The following FKBP14 variants were observed in gnomAD, a reference collection of about 807,000 sequenced individuals.
FKBP14 encodes FKBP prolyl isomerase 14.
Under a neutral mutation model 21.6 loss-of-function variants are expected in FKBP14, and 20 were observed. That is an observed-to-expected ratio of 0.92 (90% CI 0.65 to 1.34). The LOEUF is 1.34. Among genes scored for constraint, FKBP14 ranks in the 40% most tolerant of loss-of-function variants. FKBP14 has a pLI of 0.00. For synonymous variants in FKBP14, 79 were observed against 86.7 expected (o/e 0.91, Z 0.49); for missense variants, 253 against 249.0 (o/e 1.02, Z -0.11).
At chr7:30,015,445 T>A (rs570349243) in intron 3 of FKBP14, among the ~76,000 whole-genome samples, 2,350 of 109,302 alleles carry the variant, frequency 0.022, 65 homozygotes, top group African/African-American at 0.071. Flanking sequence ...AAATTAAAAA[T>A]ATATATATAT....
In FKBP14 at chr7:30,026,552, G is replaced by T. The variant is rs1267303470; in HGVS notation, c.-44C>A. 3 of 1,551,176 alleles carry T rather than the reference G, an allele frequency of 1.9e-6. No individual in the cohort carries two copies. In the South Asian group the frequency reaches 3.6e-5, roughly 18 times the overall value. ...GAAGTCCCTACAAAAGCAGCGAAAG[G>T]TCCCTCGACTTCATAGATTTAAGAA... is the stretch of plus-strand genomic sequence containing the variant. On this transcript the variant is annotated 5_prime_UTR_variant, in exon 1 of 4. Coordinates refer to ENST00000222803, the MANE Select transcript of FKBP14 (RefSeq NM_017946.4).
rs1183466060 is a variant in FKBP14, at chr7:30,013,154, TA to T, written c.*1580del. The T allele has an allele frequency of 6.6e-6, 1 of 152,054 alleles. No homozygotes were observed. Among genetic ancestry groups the T allele is most frequent in the Non-Finnish European group, 1.5e-5 (1 of 68,018 alleles). The allele number at this position is 152,054 out of a possible 1,614,324, so 9.4% of individuals were successfully genotyped here. ...ATTTGATAACTTTAAAAAAAAGAAT[TA>T]AAGATAAAAGCCAATTTAAAATAAA... On this transcript the variant is annotated 3_prime_UTR_variant, in exon 4 of 4. Transcript: ENST00000222803.
At position 30,022,591 on chromosome 7, in the gene FKBP14, G is replaced by A. The variant is rs371994388; in HGVS notation, c.349+74C>T. 2.3e-5 allele frequency: 33 copies of A among 1,451,460 alleles called. No homozygotes were observed. The African/African-American group carries it at 4.6e-4, about 20-fold the overall frequency. 89.9% of individuals were successfully genotyped at this position (1,451,460 alleles called of 1,614,324 possible). A position where few individuals can be genotyped will look rare whatever the true frequency, so the allele number is the denominator to read the frequency against. The stretch of plus-strand genomic sequence containing the variant: ...CCAGGGGAAAAAAAAAAGTTATAGT[G>A]ACTCTAACTTCTGTCTCCTAATCCA... On this transcript the variant is annotated intron_variant, in intron 2 of 3. Coordinates refer to ENST00000222803, the MANE Select transcript of FKBP14 (RefSeq NM_017946.4).
rs1223865311 is a variant in FKBP14 at position 30,019,132 on chromosome 7, A to G, written c.350-9T>C. ...TTCTGGGGGAATTTTACCTGACGTG[A>G]GGAAAGAAGGCAGAAAGTTTTAAAA... On this transcript the variant is annotated splice_polypyrimidine_tract_variant and intron_variant, in intron 2 of 3. Coordinates refer to ENST00000222803, the MANE Select transcript of FKBP14 (RefSeq NM_017946.4). 1.9e-6 allele frequency: 3 copies of G among 1,562,178 alleles called. No individual in the cohort carries two copies. The highest frequency in any genetic ancestry group is 2.6e-6 in the Non-Finnish European group (3 of 1,164,228).
At position 30,019,006 on chromosome 7, in the gene FKBP14, G is replaced by C. The variant is rs751708321; in HGVS notation, c.467C>G (p.Ser156Cys). 2 of 1,609,284 alleles carry C rather than the reference G, an allele frequency of 1.2e-6. No homozygotes were observed. The highest frequency in any genetic ancestry group is 1.3e-5 in the African/African-American group (1 of 74,786). ...EMDLNDDWKL[S>C]KDEVKAYLKK... ...AGAAGGAAAGGTCACCTCATCTTTAGAGAGTTTCCAGTCATCATTAAGATC... is the reference window on the plus strand; with the variant it reads ...AGAAGGAAAGGTCACCTCATCTTTACAGAGTTTCCAGTCATCATTAAGATC... The change falls in exon 3 of 4, where the codon TCT (serine) becomes TGT (cysteine). Residue 156 changes from serine to cysteine, a missense_variant. Transcript: ENST00000222803.
chr7:30,008,663 G>C (rs1789656005), downstream of FKBP14, among the ~76,000 whole-genome samples: 1 of 137,018 alleles, frequency 7.3e-6, no homozygotes, highest in Non-Finnish European at 1.5e-5. Flanking sequence ...GGAGGTTGCA[G>C]TGAGCTGAGA....
At chr7:30,023,540 G>A (rs1790090725) in intron 1 of FKBP14, among the ~76,000 whole-genome samples, 1 of 152,180 alleles carries the variant, frequency 6.6e-6, no homozygotes, top group Non-Finnish European at 1.5e-5. Context: ...GTCTACAGTG[G>A]GGCTATATAG....
rs548521991 is a variant in FKBP14, at chr7:30,011,556, TATATATACC to T, written c.*3170_*3178del. On this transcript the variant is annotated 3_prime_UTR_variant, in exon 4 of 4. Transcript: ENST00000222803. ...ACACCATATATATATATACTATATA[TATATATACC>T]ATATATATGGTATATATATATATAT... 61 of 143,984 alleles carry T rather than the reference TATATATACC, an allele frequency of 4.2e-4. 1 individual carries two copies. The highest frequency in any genetic ancestry group is 1.5e-3 in the African/African-American group (58 of 39,062). The allele number at this position is 143,984 out of a possible 1,614,324, so 8.9% of individuals were successfully genotyped here.
downstream of FKBP14, among the ~76,000 whole-genome samples, chr7:30,010,169 C>T (rs775912523): frequency 7.9e-5 from 12 of 152,112 alleles, no homozygotes; most frequent in Non-Finnish European, 1.5e-4. Flanking sequence ...CCCCGCATTT[C>T]GTTTAATCAG....
Position 30,026,585 on chromosome 7 carries a change from C to A in FKBP14, c.-77G>T. 1.4e-6 allele frequency: 2 copies of A among 1,396,474 alleles called. No homozygotes were observed. The highest frequency in any genetic ancestry group is 1.4e-5 in the South Asian group (1 of 72,130). The allele number at this position is 1,396,474 out of a possible 1,614,324, so 86.5% of individuals were successfully genotyped here. ...ACTTCATAGATTTAAGAACGTAGTT[C>A]AAGGCTTACGGACAAGGGCTTCAGA... On this transcript the variant is annotated 5_prime_UTR_variant, in exon 1 of 4. Coordinates refer to ENST00000222803, the MANE Select transcript of FKBP14 (RefSeq NM_017946.4).
At position 30,021,317 on chromosome 7, in the gene FKBP14, T is replaced by C. The variant is rs1030136057; in HGVS notation, c.349+1348A>G. On this transcript the variant is annotated intron_variant, in intron 2 of 3. Transcript: ENST00000222803. Reference sequence around the variant, plus strand: ...GTTTATTTTCTACTTTTATATATAATACTGTATCTCATGCATTTCAGATAT... The same window carrying C: ...GTTTATTTTCTACTTTTATATATAACACTGTATCTCATGCATTTCAGATAT... 4.3e-4 allele frequency among the ~76,000 whole-genome samples: 66 copies of C among 152,190 alleles called. 1 individual carries two copies. The highest frequency in any genetic ancestry group is 1.6e-4 in the Non-Finnish European group (11 of 68,030).
intron 3 of FKBP14, among the ~76,000 whole-genome samples, chr7:30,016,936 GATCCATTA>G (rs1789900233): frequency 6.6e-6 from 1 of 152,030 alleles, no homozygotes; most frequent in Non-Finnish European, 1.5e-5. Flanking sequence ...GTGGGGGAGA[GATCCATTA>G]ATCCATTAAA....
At position 30,012,743 on chromosome 7, in the gene FKBP14, C is replaced by G. The variant is rs1357911572; in HGVS notation, c.*1992G>C. 6.6e-6 allele frequency: 1 copy of G among 152,180 alleles called. No individual in the cohort carries two copies. Among genetic ancestry groups the G allele is most frequent in the Non-Finnish European group, 1.5e-5 (1 of 68,030 alleles). The allele number at this position is 152,180 out of a possible 1,614,324, so 9.4% of individuals were successfully genotyped here. On this transcript the variant is annotated 3_prime_UTR_variant, in exon 4 of 4. Coordinates refer to ENST00000222803, the MANE Select transcript of FKBP14 (RefSeq NM_017946.4). ...ATTCAGAGCTAACTGCAAGATTATG[C>G]TATGAAACTGAAGCCATTTCTATAT...
chr7:30,007,136 T>G (rs1292195168), downstream of FKBP14, among the ~76,000 whole-genome samples: 1 of 152,120 alleles, frequency 6.6e-6, no homozygotes, highest in Non-Finnish European at 1.5e-5. Flanking sequence ...CTTCTTGTTC[T>G]TCAAGCTTAA....
At chr7:30,006,087 C>CAT (rs918192729), downstream of FKBP14, among the ~76,000 whole-genome samples, 12 of 148,406 alleles carry the variant, frequency 8.1e-5, no homozygotes, top group East Asian at 2.0e-4. Context: ...TACATACACA[C>CAT]ATATATATAC....
intron 3 of FKBP14, among the ~76,000 whole-genome samples, chr7:30,015,259 C>CA (rs1015210330): frequency 6.6e-6 from 1 of 151,104 alleles, no homozygotes; most frequent in Non-Finnish European, 1.5e-5. Context: ...ACTAAAAATA[C>CA]AAAAAAAAGT....
chr7:30,022,578 A>G, intron 2 of FKBP14, 87 bp downstream of exon 2: 2 of 1,420,638 alleles, frequency 1.4e-6, no homozygotes, highest in Admixed American at 2.5e-5. Context: ...AGGGGAAAAA[A>G]AAAAGTTATA....
chr7:30,019,558 GTA>G, intron 2 of FKBP14, among the ~76,000 whole-genome samples: 1 of 152,184 alleles, frequency 6.6e-6, no homozygotes, highest in South Asian at 2.1e-4. Flanking sequence ...AATACATACA[GTA>G]TTGCCATTTC....
rs1325082711 is a variant in FKBP14, at chr7:30,014,592, G to C, written c.*143C>G. ...AGAAATGGGTACTTAGAAACCTAAGGGGTTCTTTAAATAGGAGTCAGAAAA... is the reference window on the plus strand; with the variant it reads ...AGAAATGGGTACTTAGAAACCTAAGCGGTTCTTTAAATAGGAGTCAGAAAA... On this transcript the variant is annotated 3_prime_UTR_variant, in exon 4 of 4. Transcript: ENST00000222803. The C allele has an allele frequency of 6.2e-6, 3 of 483,462 alleles. No individual in the cohort carries two copies. The highest frequency in any genetic ancestry group is 9.9e-6 in the Non-Finnish European group (3 of 304,258). The allele number at this position is 483,462 out of a possible 1,614,324, so 29.9% of individuals were successfully genotyped here. A position where few individuals can be genotyped will look rare whatever the true frequency, so the allele number is the denominator to read the frequency against.
Sources: allele counts gnomAD v4.1 joint callset (sites outside exome capture counted in the v4.1 genomes callset), GRCh38; gene constraint gnomAD v4.1.1; transcripts MANE v1.5; gene names NCBI Gene and HGNC (gene_info 2026-07-23, HGNC 2026-07-21).